The following DPY19L3 variants were observed in gnomAD, a reference collection of about 807,000 sequenced individuals.
DPY19L3 encodes the protein dpy-19 like C-mannosyltransferase 3.
A neutral mutation model predicts 92.3 loss-of-function variants in DPY19L3; 51 were observed. The observed-to-expected ratio is 0.55, with a 90% confidence interval of 0.44 to 0.70. The LOEUF is 0.70. DPY19L3 is among the 30% of genes least tolerant of loss of function. DPY19L3 has a pLI of 0.00. For synonymous variants in DPY19L3, 309 were observed against 315.2 expected (o/e 0.98, Z 0.21); for missense variants, 706 against 855.9 (o/e 0.82, Z 2.18).
At chr19:32,471,679 A>AT (rs1295107611) in intron 16 of DPY19L3, among the ~76,000 whole-genome samples, 1 of 152,164 alleles carries the variant, frequency 6.6e-6, no homozygotes, top group Non-Finnish European at 1.5e-5. Context: ...CCGCTTGGAG[A>AT]TTCAGGCTTT....
chr19:32,482,473 AC>A lies in DPY19L3; in HGVS notation c.*234del, dbSNP rs1783986029. 1 of 460,258 alleles carries A rather than the reference AC, an allele frequency of 2.2e-6. No homozygotes were observed. The highest frequency in any genetic ancestry group is 2.0e-5 in the African/African-American group (1 of 49,984). 28.5% of individuals were successfully genotyped at this position (460,258 alleles called of 1,614,324 possible). ...TTAATGTTCTTTAGCCTAAATGTTA[AC>A]AACTTTCTAAGAGTGACCTAGAATT... On this transcript the variant is annotated 3_prime_UTR_variant, in exon 19 of 19. Coordinates refer to ENST00000392250, the MANE Select transcript of DPY19L3 (RefSeq NM_001172774.2).
intron 3 of DPY19L3, among the ~76,000 whole-genome samples, chr19:32,418,716 T>A (rs769609992): frequency 5.3e-5 from 8 of 152,180 alleles, no homozygotes; most frequent in Non-Finnish European, 7.3e-5. Context: ...GGGTTATAAC[T>A]TTTTCTCATC....
At position 32,439,227 on chromosome 19, in the gene DPY19L3, C is replaced by T; in HGVS notation, c.712C>T (p.Leu238Phe). 1.9e-6 allele frequency: 3 copies of T among 1,610,744 alleles called. No homozygotes were observed. Among genetic ancestry groups the T allele is most frequent in the Non-Finnish European group, 8.5e-7 (1 of 1,178,826 alleles). The part of the protein sequence containing the change: ...TYFLRPNLQP[L>F]SERLTLLAIF... Reference sequence around the variant, plus strand: ...TTTCCTGAGACCAAACTTACAGCCTCTTTCTGAAGTAAGTGTTTATAAAAT... The same window carrying T: ...TTTCCTGAGACCAAACTTACAGCCTTTTTCTGAAGTAAGTGTTTATAAAAT... The change falls in exon 7 of 19, where the codon CTT (leucine) becomes TTT (phenylalanine). Residue 238 changes from leucine to phenylalanine, a missense_variant. Physicochemically the swap from Leu to Phe is conservative, Grantham distance 22 (BLOSUM62 0). Transcript: ENST00000392250.
chr19:32,447,720 C>G (rs1315504749), intron 8 of DPY19L3, among the ~76,000 whole-genome samples: 1 of 131,644 alleles, frequency 7.6e-6, no homozygotes, highest in East Asian at 2.2e-4. Flanking sequence ...CCGTCTCATT[C>G]ATAGATAGAT....
At chr19:32,452,255 C>A (rs1468444507) in intron 8 of DPY19L3, among the ~76,000 whole-genome samples, 1 of 152,182 alleles carries the variant, frequency 6.6e-6, no homozygotes, top group Non-Finnish European at 1.5e-5. Context: ...GCACCAGAAT[C>A]GGAACTGCAG....
In DPY19L3 at chr19:32,419,146, A is replaced by G. The variant is rs375453230; in HGVS notation, c.237+7774A>G. On this transcript the variant is annotated intron_variant, in intron 3 of 18. Coordinates refer to ENST00000392250, the MANE Select transcript of DPY19L3 (RefSeq NM_001172774.2). ...ACTATTTGGGGGCATTTTAATACAT[A>G]TTGTATTTATTTGTACCTTTTTTTT... Among the ~76,000 whole-genome samples the G allele has an allele frequency of 6.4e-4, 95 of 148,788 alleles. 1 individual carries two copies. In the South Asian group the frequency reaches 0.02, roughly 31 times the overall value.
chr19:32,453,336 G>A (rs1969767731), intron 9 of DPY19L3, 60 bp downstream of exon 9: 2 of 1,506,206 alleles, frequency 1.3e-6, no homozygotes, highest in African/African-American at 2.8e-5. Flanking sequence ...GTGGTTTATT[G>A]AACCTTATTT....
chr19:32,414,762 T>C (rs950512252), intron 3 of DPY19L3, among the ~76,000 whole-genome samples: 2 of 152,252 alleles, frequency 1.3e-5, no homozygotes, highest in African/African-American at 4.8e-5. Flanking sequence ...AAAGAGATCA[T>C]ATAACTTAAT....
Position 32,423,402 on chromosome 19 carries a change from A to ATTTTTTTTTT in DPY19L3, c.238-9305_238-9296dup, listed in dbSNP as rs71176123. 1.1e-4 allele frequency among the ~76,000 whole-genome samples: 9 copies of ATTTTTTTTTT among 82,226 alleles called. 2 individuals are homozygous for ATTTTTTTTTT. Among genetic ancestry groups the ATTTTTTTTTT allele is most frequent in the Non-Finnish European group, 1.2e-4 (5 of 41,740 alleles). 53.9% of individuals were successfully genotyped at this position (82,226 alleles called of 152,430 possible). On this transcript the variant is annotated intron_variant, in intron 3 of 18. Coordinates refer to ENST00000392250, the MANE Select transcript of DPY19L3 (RefSeq NM_001172774.2). Reference sequence around the variant, plus strand: ...AGGCATGCACCACCATGCCCAGCTAATTTTTTTTTTTTTTTTTTGGTATTT... The same window carrying ATTTTTTTTTT: ...AGGCATGCACCACCATGCCCAGCTAATTTTTTTTTTTTTTTTTTTTTTTTTTTTGGTATTT...
chr19:32,433,924 A>G (rs1969051618), intron 4 of DPY19L3, among the ~76,000 whole-genome samples: 1 of 152,148 alleles, frequency 6.6e-6, no homozygotes, highest in African/African-American at 2.4e-5. Flanking sequence ...TTCTTATTTC[A>G]GAGGGGATGC....
chr19:32,465,054 A>G (rs1970160264), intron 15 of DPY19L3, among the ~76,000 whole-genome samples: 1 of 152,250 alleles, frequency 6.6e-6, no homozygotes, highest in Non-Finnish European at 1.5e-5. Context: ...GCTGATGCAA[A>G]TTCTGAAAAT....
chr19:32,458,741 A>G (rs1018846624), intron 12 of DPY19L3, among the ~76,000 whole-genome samples: 2 of 152,198 alleles, frequency 1.3e-5, no homozygotes, highest in South Asian at 2.1e-4. Flanking sequence ...CTTGGGAACA[A>G]AGTGACTCTT....
chr19:32,453,064 A>G (rs1969755496), intron 8 of DPY19L3, 81 bp from the exon 9 acceptor site: 74 of 1,503,480 alleles, frequency 4.9e-5, no homozygotes, highest in Non-Finnish European at 6.2e-5. Flanking sequence ...GCTGAGGTGT[A>G]TCCACCTCAT....
At position 32,448,501 on chromosome 19, in the gene DPY19L3, A is replaced by G. The variant is rs998759369; in HGVS notation, c.856-4644A>G. ...GTTGACCAGAAGCCTTACCAATAACATAGTTGATTAACAGATATTTTGTAT... is the reference window on the plus strand; with the variant it reads ...GTTGACCAGAAGCCTTACCAATAACGTAGTTGATTAACAGATATTTTGTAT... On this transcript the variant is annotated intron_variant, in intron 8 of 18. Coordinates refer to ENST00000392250, the MANE Select transcript of DPY19L3 (RefSeq NM_001172774.2). Among the ~76,000 whole-genome samples the G allele has an allele frequency of 4.6e-5, 7 of 152,234 alleles. No individual in the cohort carries two copies. In the South Asian group the frequency reaches 1.0e-3, roughly 22 times the overall value.
intron 8 of DPY19L3, among the ~76,000 whole-genome samples, chr19:32,450,023 TC>T (rs35292723): frequency 0.87 from 132,721 of 152,206 alleles, 58,222 homozygotes; most frequent in African/African-American, 0.97. Context: ...GATCAGGAAC[TC>T]CCAGAATATA....
At chr19:32,455,562 T>TA (rs963702510) in intron 10 of DPY19L3, among the ~76,000 whole-genome samples, 88 of 149,250 alleles carry the variant, frequency 5.9e-4, no homozygotes, top group Non-Finnish European at 8.9e-4. Context: ...CTGTGGTACT[T>TA]AAAAAAAAAA....
At chr19:32,417,920 A>G (rs1205590499) in intron 3 of DPY19L3, among the ~76,000 whole-genome samples, 1 of 152,198 alleles carries the variant, frequency 6.6e-6, no homozygotes, top group Non-Finnish European at 1.5e-5. Context: ...AGGTTTGACT[A>G]TGTTGTGAGG....
rs1224862795 is a variant in DPY19L3, at chr19:32,483,818, A to T, written c.*1578A>T. 6.6e-6 allele frequency: 1 copy of T among 152,584 alleles called. No homozygotes were observed. Among genetic ancestry groups the T allele is most frequent in the Non-Finnish European group, 1.5e-5 (1 of 68,032 alleles). The allele number at this position is 152,584 out of a possible 1,614,324, so 9.5% of individuals were successfully genotyped here. ...CCGTTTAGGATAATACAATAATAAA[A>T]CGTTTTAATCAGTACTAAAACTTTA... On this transcript the variant is annotated 3_prime_UTR_variant, in exon 19 of 19. Coordinates refer to ENST00000392250, the MANE Select transcript of DPY19L3 (RefSeq NM_001172774.2).
In DPY19L3 at chr19:32,477,657, G is replaced by T. The variant is rs893300355; in HGVS notation, c.1830+3G>T. On this transcript the variant is annotated splice_donor_region_variant and intron_variant, in intron 17 of 18. Transcript: ENST00000392250. ...GCCTGAGAGAGCGGACCAGAGCGGTGAGGCTCCCCAGTGCCTCCCCTCGCT... is the reference window on the plus strand; with the variant it reads ...GCCTGAGAGAGCGGACCAGAGCGGTTAGGCTCCCCAGTGCCTCCCCTCGCT... 1.2e-6 allele frequency: 2 copies of T among 1,613,896 alleles called. No homozygotes were observed. Among genetic ancestry groups the T allele is most frequent in the Middle Eastern group, 3.4e-4 (2 of 5,924 alleles).
Sources: allele counts gnomAD v4.1 joint callset (sites outside exome capture counted in the v4.1 genomes callset), GRCh38; gene constraint gnomAD v4.1.1; transcripts MANE v1.5; gene names NCBI Gene and HGNC (gene_info 2026-07-23, HGNC 2026-07-21).